The following RAB27A variants were observed in gnomAD, a reference collection of about 807,000 sequenced individuals.
The protein encoded by RAB27A is ras-related protein Rab-27A.
Under a neutral mutation model 20.8 loss-of-function variants are expected in RAB27A, and 17 were observed. The observed-to-expected ratio is 0.82, with a 90% CI of 0.56 to 1.23. The LOEUF (loss-of-function observed/expected upper bound fraction) is 1.23. RAB27A is among the 50% of genes most tolerant of loss of function. The probability of loss-of-function intolerance (pLI) is 0.00; values close to 1 mark genes in which losing one functional copy is unlikely to be tolerated. For missense variants in RAB27A, 277 were observed against 266.7 expected (o/e 1.04, Z -0.27); for synonymous variants, 85 against 92.8 (o/e 0.92, Z 0.48).
chr15:55,255,690 C>A (rs1311310147), intron 2 of RAB27A, among the ~76,000 whole-genome samples: 1 of 152,158 alleles, frequency 6.6e-6, no homozygotes, highest in African/African-American at 2.4e-5. Flanking sequence ...CAATTACTAC[C>A]TTTCCAGTAC....
intron 2 of RAB27A, among the ~76,000 whole-genome samples, chr15:55,247,175 G>A (rs1391048732): frequency 6.6e-6 from 1 of 152,090 alleles, no homozygotes; most frequent in Non-Finnish European, 1.5e-5. Flanking sequence ...TAAGCTACCT[G>A]GAAGGTAGAA....
At chr15:55,289,264 G>A (rs776831717) in intron 1 of RAB27A, 2 of 152,622 alleles carry the variant, frequency 1.3e-5, no homozygotes, top group African/African-American at 2.4e-5. Context: ...TAACTGACAG[G>A]AGAAGAGAGA....
chr15:55,273,277 A>T (rs1341897445), intron 1 of RAB27A, among the ~76,000 whole-genome samples: 1 of 151,474 alleles, frequency 6.6e-6, no homozygotes, highest in Non-Finnish European at 1.5e-5. Context: ...GGCATGGTGG[A>T]GGGCACCTGT....
chr15:55,206,226 A>AT, intron 6 of RAB27A: 1 of 621,150 alleles, frequency 1.6e-6, no homozygotes, highest in Non-Finnish European at 2.0e-6. Context: ...ATCAATTTTC[A>AT]TTTTTTAAAG....
At chr15:55,279,503 A>G (rs1002996040) in intron 1 of RAB27A, among the ~76,000 whole-genome samples, 2 of 152,230 alleles carry the variant, frequency 1.3e-5, no homozygotes, top group African/African-American at 4.8e-5. Context: ...TGTTCTAGGG[A>G]GACAACAGAT....
At chr15:55,267,534 A>G (rs9972478) in intron 2 of RAB27A, among the ~76,000 whole-genome samples, 1 of 151,988 alleles carries the variant, frequency 6.6e-6, no homozygotes, top group African/African-American at 2.4e-5. Context: ...CAGAAGCGCA[A>G]AAGAAAATGT....
intron 6 of RAB27A, among the ~76,000 whole-genome samples, chr15:55,210,850 C>G (rs138122029): frequency 0.016 from 2,453 of 152,162 alleles, 37 homozygotes; most frequent in Middle Eastern, 0.041. Flanking sequence ...AGACGAATGA[C>G]CTGGAGTGTT....
At chr15:55,210,152 T>C (rs1894930801) in intron 6 of RAB27A, among the ~76,000 whole-genome samples, 1 of 103,620 alleles carries the variant, frequency 9.7e-6, no homozygotes, top group Non-Finnish European at 1.9e-5. Context: ...TATGTGTATG[T>C]ATACATACAC....
At chr15:55,316,998 C>T (rs1413218959) in intron 1 of RAB27A, among the ~76,000 whole-genome samples, 2 of 152,152 alleles carry the variant, frequency 1.3e-5, no homozygotes, top group Non-Finnish European at 2.9e-5. Flanking sequence ...AACACCCTTC[C>T]CAATTATTAT....
At chr15:55,210,158 T>TATATACATAC (rs1894931899) in intron 6 of RAB27A, among the ~76,000 whole-genome samples, 1 of 147,922 alleles carries the variant, frequency 6.8e-6, no homozygotes, top group Non-Finnish European at 1.5e-5. Context: ...TATGTATACA[T>TATATACATAC]ACACATACAT....
intron 2 of RAB27A, among the ~76,000 whole-genome samples, chr15:55,264,640 A>G (rs1199168801): frequency 6.6e-6 from 1 of 152,244 alleles, no homozygotes; most frequent in Non-Finnish European, 1.5e-5. Context: ...AATGCAGAAT[A>G]GCATACATAT....
chr15:55,274,800 AT>A (rs1897810640), intron 1 of RAB27A, among the ~76,000 whole-genome samples: 1 of 121,284 alleles, frequency 8.2e-6, no homozygotes, highest in Non-Finnish European at 1.7e-5. Flanking sequence ...TAAATTATAT[AT>A]ATATATATAT....
intron 1 of RAB27A, among the ~76,000 whole-genome samples, chr15:55,286,456 T>A (rs533684069): frequency 4.9e-4 from 75 of 152,070 alleles, no homozygotes; most frequent in Non-Finnish European, 8.8e-4. Flanking sequence ...CAGAAAATGA[T>A]GGGATAGGTG....
At chr15:55,251,365 T>A in intron 2 of RAB27A, among the ~76,000 whole-genome samples, 1 of 152,038 alleles carries the variant, frequency 6.6e-6, no homozygotes, top group East Asian at 1.9e-4. Flanking sequence ...TGGAAATGAG[T>A]CCTGGAAAAA....
chr15:55,284,520 G>C (rs1898097411), intron 1 of RAB27A, among the ~76,000 whole-genome samples: 1 of 152,160 alleles, frequency 6.6e-6, no homozygotes, highest in African/African-American at 2.4e-5. Flanking sequence ...ATAACAGCAG[G>C]GACAAGAACC....
chr15:55,210,416 T>TTTG (rs1448567681), intron 6 of RAB27A, among the ~76,000 whole-genome samples: 11 of 145,718 alleles, frequency 7.5e-5, no homozygotes, highest in African/African-American at 3.0e-4. Context: ...GGTGTGGTTT[T>TTTG]TTTTTTTTTG....
chr15:55,287,702 G>A (rs566150070), intron 1 of RAB27A, among the ~76,000 whole-genome samples: 6 of 151,774 alleles, frequency 4.0e-5, no homozygotes, highest in East Asian at 1.9e-4. Flanking sequence ...AGCTGAGATC[G>A]TGCCATTGCA....
chr15:55,291,822 T>C (rs1898320399), upstream of RAB27A, among the ~76,000 whole-genome samples: 1 of 152,160 alleles, frequency 6.6e-6, no homozygotes, highest in Non-Finnish European at 1.5e-5. Context: ...CAAGGTAAAC[T>C]GGTCCCTGAC....
Position 55,287,537 on chromosome 15 carries a change from C to T in RAB27A, c.-143+2179G>A, listed in dbSNP as rs560576861. On this transcript the variant is annotated intron_variant, in intron 1 of 6. Coordinates refer to ENST00000336787, the MANE Select transcript of RAB27A (RefSeq NM_183235.3). ...CTGAGGCAGACAGATCACCTGAGAT[C>T]GGGAGTCCGAGACCAGCCTGACCAA... Among the ~76,000 whole-genome samples, 47 of 152,008 alleles carry T rather than the reference C, an allele frequency of 3.1e-4. No homozygotes were observed. The South Asian group carries it at 9.6e-3, about 31-fold the overall frequency.
Sources: gnomAD v4.1 joint callset for allele counts (sites outside exome capture counted in the v4.1 genomes callset) on GRCh38, gnomAD v4.1.1 for gene constraint, MANE v1.5 for transcripts, NCBI Gene and HGNC (gene_info 2026-07-23, HGNC 2026-07-21) for gene names.